Variants in DPH6 observed in about 807,000 individuals in gnomAD.
DPH6 encodes the protein diphthine--ammonia ligase.
Under a neutral mutation model 38.2 loss-of-function variants are expected in DPH6, and 33 were observed. The ratio of observed to expected loss-of-function variants is 0.86; its 90% CI spans 0.65 to 1.15. The LOEUF (loss-of-function observed/expected upper bound fraction) is 1.15. Ranked by LOEUF, DPH6 falls within the 50% of genes most tolerant of loss-of-function variation. The probability of loss-of-function intolerance (pLI) is 0.00; values close to 1 mark genes in which losing one functional copy is unlikely to be tolerated. For synonymous variants in DPH6, 108 were observed against 103.0 expected, an observed-to-expected ratio of 1.05 and a Z score of -0.30; for missense variants, 325 against 320.0, an observed-to-expected ratio of 1.02 and a Z score of -0.12.
At chr15:35,290,078 G>GT (rs1425695379) in intron 3 of DPH6, among the ~76,000 whole-genome samples, 1 of 152,170 alleles carries the variant, frequency 6.6e-6, no homozygotes, top group African/African-American at 2.4e-5. Context: ...AGTTGGAAAG[G>GT]TTTTGCAATG....
At chr15:35,447,001 T>C (rs1010834487) in intron 5 of DPH6, among the ~76,000 whole-genome samples, 1 of 152,052 alleles carries the variant, frequency 6.6e-6, no homozygotes, top group African/African-American at 2.4e-5. Flanking sequence ...CCTGAGTAGC[T>C]AGGACTACAG....
chr15:35,157,561 G>C, the DPH6 span, among the ~76,000 whole-genome samples: 1 of 152,058 alleles, frequency 6.6e-6, no homozygotes, highest in Non-Finnish European at 1.5e-5. Flanking sequence ...TAGAGACCGG[G>C]TTGTGGTACT....
At chr15:35,474,062 T>C (rs1409821235) in intron 3 of DPH6, among the ~76,000 whole-genome samples, 1 of 151,520 alleles carries the variant, frequency 6.6e-6, no homozygotes, top group Non-Finnish European at 1.5e-5. Flanking sequence ...CTGAGTAGGA[T>C]AGGAAGAGGA....
the DPH6 span, among the ~76,000 whole-genome samples, chr15:35,185,047 T>C: frequency 6.6e-6 from 1 of 151,498 alleles, no homozygotes; most frequent in Non-Finnish European, 1.5e-5. Flanking sequence ...AAGATATATA[T>C]GTAGAAAAAT....
chr15:35,299,498 G>C (rs1320617803), intron 3 of DPH6: 2 of 721,500 alleles, frequency 2.8e-6, no homozygotes, highest in Non-Finnish European at 5.1e-6. Context: ...CCGCGGTGGC[G>C]GCAGCGCGGA....
chr15:35,498,196 A>T (rs1465301210), intron 3 of DPH6, among the ~76,000 whole-genome samples: 1 of 152,172 alleles, frequency 6.6e-6, no homozygotes. Flanking sequence ...GTTTCTCACC[A>T]TGTCCCTGAG....
chr15:35,169,144 C>A, the DPH6 span, among the ~76,000 whole-genome samples: 1 of 152,170 alleles, frequency 6.6e-6, no homozygotes, highest in Admixed American at 6.6e-5. Flanking sequence ...AAGCTAACTT[C>A]CATAACCATC....
At chr15:35,218,504 T>G (rs2140382547) in exon 4 of DPH6, 1 of 152,316 alleles carries the variant, frequency 6.6e-6, no homozygotes, top group South Asian at 2.1e-4. Context: ...GTCAGTCAAG[T>G]GTACTTTTGA....
At chr15:35,322,112 TCA>T (rs1324181480) in intron 3 of DPH6, among the ~76,000 whole-genome samples, 1 of 152,158 alleles carries the variant, frequency 6.6e-6, no homozygotes, top group East Asian at 1.9e-4. Flanking sequence ...CCACGTGGGC[TCA>T]GACTGAAAAA....
chr15:35,331,947 G>A (rs543481277), intron 3 of DPH6, among the ~76,000 whole-genome samples: 8 of 152,240 alleles, frequency 5.3e-5, no homozygotes, highest in Admixed American at 4.6e-4. Flanking sequence ...TATGCCCAGA[G>A]CTTTTGGTAG....
At chr15:35,513,243 G>A (rs2054799757) in intron 3 of DPH6, among the ~76,000 whole-genome samples, 1 of 151,950 alleles carries the variant, frequency 6.6e-6, no homozygotes. Context: ...ATACTTTCGT[G>A]TATTTTTTAA....
At chr15:35,244,845 A>T (rs539315847) in intron 3 of DPH6, among the ~76,000 whole-genome samples, 32 of 152,308 alleles carry the variant, frequency 2.1e-4, no homozygotes, top group African/African-American at 7.7e-4. Context: ...TGAGCCTACG[A>T]GCTTGGTAAG....
intron 6 of DPH6, among the ~76,000 whole-genome samples, chr15:35,388,067 G>A (rs1406114898): frequency 1.3e-5 from 2 of 152,098 alleles, no homozygotes; most frequent in Admixed American, 6.5e-5. Flanking sequence ...GTTGAATTTT[G>A]TCAAAGGCCT....
the DPH6 span, among the ~76,000 whole-genome samples, chr15:35,164,846 A>C: frequency 0.017 from 2,629 of 151,952 alleles, 72 homozygotes; most frequent in African/African-American, 0.061. Flanking sequence ...TTGGAAAATT[A>C]AATGTAAATT....
chr15:35,346,135 C>T (rs1566876002), intron 3 of DPH6, among the ~76,000 whole-genome samples: 3 of 151,906 alleles, frequency 2.0e-5, no homozygotes, highest in Non-Finnish European at 4.4e-5. Context: ...TCATCTTTTC[C>T]AAAACATTTC....
intron 1 of DPH6, among the ~76,000 whole-genome samples, chr15:35,545,249 T>C (rs2055327821): frequency 6.6e-6 from 1 of 152,232 alleles, no homozygotes; most frequent in Admixed American, 6.5e-5. Context: ...GTCTAACTTT[T>C]TAATGTTGCT....
intron 3 of DPH6, chr15:35,331,120 T>C (rs1001541892): frequency 2.0e-5 from 3 of 152,176 alleles, no homozygotes; most frequent in Non-Finnish European, 2.9e-5. Context: ...AAATGAGACC[T>C]ATAATGACAG....
At chr15:35,313,674 G>T (rs59868783) in intron 3 of DPH6, among the ~76,000 whole-genome samples, 3,905 of 151,884 alleles carry the variant, frequency 0.026, 164 homozygotes, top group African/African-American at 0.089. Flanking sequence ...ACTGATTTTT[G>T]TATCCTGCAA....
chr15:35,252,527 G>A (rs1321880104), intron 3 of DPH6, among the ~76,000 whole-genome samples: 2 of 152,222 alleles, frequency 1.3e-5, no homozygotes, highest in Non-Finnish European at 2.9e-5. Context: ...GGATTTTGGT[G>A]GCCAAGCATC....
Sources: allele counts gnomAD v4.1 joint callset (sites outside exome capture counted in the v4.1 genomes callset), GRCh38; gene constraint gnomAD v4.1.1; transcripts MANE v1.5; gene names NCBI Gene and HGNC (gene_info 2026-07-23, HGNC 2026-07-21).